Variants in MFSD11 observed in about 807,000 individuals in gnomAD.
MFSD11 encodes the protein UNC93-like protein MFSD11.
A neutral mutation model predicts 53.5 loss-of-function variants in MFSD11; 36 were observed. The ratio of observed to expected loss-of-function variants is 0.67; its 90% CI spans 0.52 to 0.89. MFSD11 has a LOEUF of 0.89. MFSD11 is among the 40% of genes least tolerant of loss of function. The probability of loss-of-function intolerance (pLI) is 0.00; values close to 1 mark genes in which losing one functional copy is unlikely to be tolerated. For synonymous variants in MFSD11, 186 were observed against 184.9 expected, an observed-to-expected ratio of 1.01 and a Z score of -0.05; for missense variants, 530 against 543.9, an observed-to-expected ratio of 0.97 and a Z score of 0.25.
At chr17:76,797,810 C>G in the MFSD11 span, among the ~76,000 whole-genome samples, 1 of 152,110 alleles carries the variant, frequency 6.6e-6, no homozygotes, top group Non-Finnish European at 1.5e-5. Context: ...TACTGACCAG[C>G]TGTAAAGGGA....
At chr17:76,744,217 T>G (rs1459537992) in intron 6 of MFSD11, 105 bp from the exon 7 acceptor site, 3 of 1,093,238 alleles carry the variant, frequency 2.7e-6, no homozygotes, top group Non-Finnish European at 3.8e-6. Flanking sequence ...AAAGTAAAAA[T>G]GTAACGAGGA....
At position 76,742,013 on chromosome 17, in the gene MFSD11, A is replaced by C. The variant is rs1388779914; in HGVS notation, c.305A>C (p.Tyr102Ser). ...VFIQPFPWSF[Y>S]TASVFIGIAA... The stretch of plus-strand genomic sequence containing the variant: ...ATCCAGCCTTTCCCGTGGTCCTTCT[A>C]CACAGCCTCTGTTTTCATTGGAATT... The change falls in exon 4 of 13, where the codon TAC becomes TCC. Residue 102 changes from tyrosine to serine, a missense_variant. Tyr to Ser is a moderately radical substitution (Grantham distance 144). Transcript: ENST00000685175. The C allele has an allele frequency of 6.2e-7, 1 of 1,614,154 alleles. No individual in the cohort carries two copies. The highest frequency in any genetic ancestry group is 1.3e-5 in the African/African-American group (1 of 75,042).
At chr17:76,799,420 ATTATTT>A in the MFSD11 span, 1 of 150,718 alleles carries the variant, frequency 6.6e-6, no homozygotes, top group African/African-American at 2.4e-5. Context: ...CTGCCTTATT[ATTATTT>A]TTGAGACACA....
chr17:76,736,737 A>T (rs1419243123), upstream of MFSD11: 1 of 1,384,454 alleles, frequency 7.2e-7, no homozygotes, highest in Admixed American at 3.4e-5. Context: ...GACCTTTGTG[A>T]GGTCGCCCGG....
At chr17:76,802,943 G>T in the MFSD11 span, among the ~76,000 whole-genome samples, 1 of 151,974 alleles carries the variant, frequency 6.6e-6, no homozygotes, top group African/African-American at 2.4e-5. Context: ...CCAAAGCGAG[G>T]CCAGGAGATC....
intron 8 of MFSD11, among the ~76,000 whole-genome samples, chr17:76,764,989 T>C (rs1276223060): frequency 6.6e-6 from 1 of 152,230 alleles, no homozygotes; most frequent in African/African-American, 2.4e-5. Context: ...TGTCTTACTG[T>C]GGCTTTGATA....
At chr17:76,786,879 G>A in the MFSD11 span, among the ~76,000 whole-genome samples, 2 of 151,960 alleles carry the variant, frequency 1.3e-5, no homozygotes, top group Non-Finnish European at 2.9e-5. Context: ...GCAGTGGCGC[G>A]ATATTGGCTC....
chr17:76,786,083 A>AAG (rs1163264262), downstream of MFSD11, among the ~76,000 whole-genome samples: 2 of 151,412 alleles, frequency 1.3e-5, no homozygotes, highest in Admixed American at 6.6e-5. Context: ...TCAAAAAAAA[A>AAG]AAAAAAAAAC....
At chr17:76,754,110 A>G (rs1480537775) in intron 8 of MFSD11, 23 bp downstream of exon 8, 1 of 1,593,186 alleles carries the variant, frequency 6.3e-7, no homozygotes, top group Non-Finnish European at 8.6e-7. Context: ...TGTATCTGAA[A>G]TGCAAGAACT....
downstream of MFSD11, among the ~76,000 whole-genome samples, chr17:76,784,022 C>A (rs189065137): frequency 6.6e-6 from 1 of 151,516 alleles, no homozygotes; most frequent in African/African-American, 2.4e-5. Flanking sequence ...AACCCTTGTG[C>A]ACTGTGTGTG....
chr17:76,784,574 G>C (rs1037085070), downstream of MFSD11, among the ~76,000 whole-genome samples: 21 of 150,510 alleles, frequency 1.4e-4, no homozygotes, highest in South Asian at 2.1e-4. Flanking sequence ...TTCTCCATAC[G>C]ATGGAATGGC....
At chr17:76,800,432 C>T in the MFSD11 span, among the ~76,000 whole-genome samples, 1 of 152,128 alleles carries the variant, frequency 6.6e-6, no homozygotes, top group African/African-American at 2.4e-5. Flanking sequence ...GTAATGGTCA[C>T]CTATGAAATC....
intron 11 of MFSD11, among the ~76,000 whole-genome samples, 157 bp downstream of exon 11, chr17:76,775,328 G>A (rs538764156): frequency 6.6e-6 from 1 of 152,266 alleles, no homozygotes; most frequent in African/African-American, 2.4e-5. Context: ...GTTTAAATAG[G>A]AATCCTTAGA....
intron 10 of MFSD11, among the ~76,000 whole-genome samples, chr17:76,770,854 C>T (rs958851293): frequency 6.6e-6 from 1 of 152,184 alleles, no homozygotes; most frequent in Non-Finnish European, 1.5e-5. Context: ...GCTCACCACT[C>T]CAGAAGCTCC....
At chr17:76,746,761 A>T (rs1207297694) in intron 7 of MFSD11, among the ~76,000 whole-genome samples, 1 of 152,212 alleles carries the variant, frequency 6.6e-6, no homozygotes, top group Non-Finnish European at 1.5e-5. Flanking sequence ...CCTACTGCTC[A>T]GAAGAAAAGG....
chr17:76,747,459 C>T (rs982619692), intron 7 of MFSD11, among the ~76,000 whole-genome samples: 9 of 152,100 alleles, frequency 5.9e-5, no homozygotes, highest in African/African-American at 2.2e-4. Flanking sequence ...CTCAGCCTCC[C>T]GAGTAGCTGG....
chr17:76,799,942 CTTTT>C, the MFSD11 span, among the ~76,000 whole-genome samples: 3 of 143,772 alleles, frequency 2.1e-5, no homozygotes, highest in Non-Finnish European at 4.5e-5. Flanking sequence ...CTCTTTTTTT[CTTTT>C]TCTTTTTCCT....
rs1438551681 is a variant in MFSD11, at chr17:76,776,826, CT to C, written c.1185+290del. Among the ~76,000 whole-genome samples, 1 of 149,786 alleles carries C rather than the reference CT, an allele frequency of 6.7e-6. No individual in the cohort carries two copies. The highest frequency in any genetic ancestry group is 1.5e-5 in the Non-Finnish European group (1 of 67,498). On this transcript the variant is annotated intron_variant, in intron 12 of 12. Transcript: ENST00000685175. The surrounding 1 kb of genome is among the most constrained non-coding windows in gnomAD (Gnocchi z 4.2). ...TGGCTAATTTTTGTATTTTTTTTTT[CT>C]TTTTAGCAGAGGCAGGGTTTCACCA... is the stretch of plus-strand genomic sequence containing the variant.
At chr17:76,768,987 A>C (rs76932417) in intron 9 of MFSD11, among the ~76,000 whole-genome samples, 1 of 129,902 alleles carries the variant, frequency 7.7e-6, no homozygotes, top group Non-Finnish European at 1.5e-5. Context: ...CTCTCTCTCA[A>C]AAAAAAAAAA....
Sources: gnomAD v4.1 joint callset for allele counts (sites outside exome capture counted in the v4.1 genomes callset) on GRCh38, gnomAD v4.1.1 for gene constraint, Gnocchi (gnomAD v3.1) non-coding constraint, MANE v1.5 for transcripts, NCBI Gene and HGNC (gene_info 2026-07-23, HGNC 2026-07-21) for gene names.